The following JAKMIP2 variants were observed in gnomAD, a reference collection of about 807,000 sequenced individuals.
JAKMIP2 encodes the protein janus kinase and microtubule interacting protein 2.
JAKMIP2 carries 25 observed loss-of-function variants against 115.0 expected under a neutral mutation model. The ratio of observed to expected loss-of-function variants is 0.22; its 90% CI spans 0.16 to 0.30. JAKMIP2 has a LOEUF of 0.30. Among genes scored for constraint, JAKMIP2 ranks in the 10% least tolerant of loss-of-function variants. The pLI is 1.00. For missense variants in JAKMIP2, 642 were observed against 957.6 expected (o/e 0.67, Z 4.35); for synonymous variants, 334 against 343.6 (o/e 0.97, Z 0.31).
At chr5:147,678,488 A>G (rs999921884) in intron 1 of JAKMIP2, among the ~76,000 whole-genome samples, 28 of 152,212 alleles carry the variant, frequency 1.8e-4, no homozygotes, top group African/African-American at 6.0e-4. Context: ...TAAAAGCTGA[A>G]TAGTACTTTA....
chr5:147,660,070 G>T (rs189807739), intron 3 of JAKMIP2, among the ~76,000 whole-genome samples: 9 of 152,156 alleles, frequency 5.9e-5, no homozygotes, highest in African/African-American at 1.9e-4. Context: ...TCTAACAGGC[G>T]ATAGTTGATG....
At chr5:147,629,612 T>C (rs1757264206) in intron 15 of JAKMIP2, 81 bp downstream of exon 15, 1 of 970,896 alleles carries the variant, frequency 1.0e-6, no homozygotes, top group East Asian at 2.4e-5. Flanking sequence ...TTGCTCTTAC[T>C]TTACACATGA....
Position 147,661,454 on chromosome 5 carries a change from A to G in JAKMIP2, c.130-9T>C, listed in dbSNP as rs774220810. Reference sequence around the variant, plus strand: ...CTTTCAAGCTTTGATACCTAAAAACAGAGAGGCGAAATGATGAAGAGAAAT... The same window carrying G: ...CTTTCAAGCTTTGATACCTAAAAACGGAGAGGCGAAATGATGAAGAGAAAT... On this transcript the variant is annotated splice_polypyrimidine_tract_variant and intron_variant, in intron 2 of 21. Transcript: ENST00000616793. 6.2e-7 allele frequency: 1 copy of G among 1,603,082 alleles called. No homozygotes were observed. Among genetic ancestry groups the G allele is most frequent in the Non-Finnish European group, 8.5e-7 (1 of 1,175,030 alleles).
intron 10 of JAKMIP2, among the ~76,000 whole-genome samples, chr5:147,638,143 C>T (rs1180140985): frequency 2.0e-5 from 3 of 152,038 alleles, no homozygotes; most frequent in East Asian, 1.9e-4. Flanking sequence ...TTGTTTTCAA[C>T]GATGCTTTCA....
rs758768756 is a variant in JAKMIP2 at position 147,764,889 on chromosome 5, G to GGAAAGAAAGAAAGAAAGAAAGAAAGAAA, written c.-149+17539_-149+17566dup. Among the ~76,000 whole-genome samples, 15 of 60,514 alleles carry GGAAAGAAAGAAAGAAAGAAAGAAAGAAA rather than the reference G, an allele frequency of 2.5e-4. 2 individuals are homozygous for GGAAAGAAAGAAAGAAAGAAAGAAAGAAA. Among genetic ancestry groups the GGAAAGAAAGAAAGAAAGAAAGAAAGAAA allele is most frequent in the African/African-American group, 1.3e-3 (13 of 10,070 alleles). The allele number at this position is 60,514 out of a possible 152,430, so 39.7% of individuals were successfully genotyped here. A position where few individuals can be genotyped will look rare whatever the true frequency, so the allele number is the denominator to read the frequency against. ...GACAGAGTGAGACTCTGTCTAAAAG[G>GGAAAGAAAGAAAGAAAGAAAGAAAGAAA]GAAAGAAAGAAAGAAAGAAAGAAAG... On this transcript the variant is annotated intron_variant, in intron 1 of 21. Coordinates refer to ENST00000616793, the MANE Select transcript of JAKMIP2 (RefSeq NM_001270941.2).
At chr5:147,600,739 A>T (rs1755652134) in intron 21 of JAKMIP2, among the ~76,000 whole-genome samples, 1 of 151,984 alleles carries the variant, frequency 6.6e-6, no homozygotes, top group Admixed American at 6.6e-5. Context: ...ATCTCCAGTG[A>T]TCTGACTCAG....
At chr5:147,765,768 A>G (rs951272247) in intron 1 of JAKMIP2, among the ~76,000 whole-genome samples, 2 of 152,166 alleles carry the variant, frequency 1.3e-5, no homozygotes, top group South Asian at 2.1e-4. Flanking sequence ...CCACCTGAAC[A>G]CTTTTTATAT....
intron 1 of JAKMIP2, among the ~76,000 whole-genome samples, chr5:147,747,097 A>G (rs774291052): frequency 2.0e-5 from 3 of 152,070 alleles, no homozygotes; most frequent in Non-Finnish European, 4.4e-5. Flanking sequence ...GTGCTTTATT[A>G]TTATTATTAT....
At chr5:147,765,575 T>C (rs1280488201) in intron 1 of JAKMIP2, among the ~76,000 whole-genome samples, 2 of 152,076 alleles carry the variant, frequency 1.3e-5, no homozygotes, top group Non-Finnish European at 2.9e-5. Context: ...GTGGAAAAAA[T>C]ATGAGGCTCA....
intron 1 of JAKMIP2, among the ~76,000 whole-genome samples, chr5:147,732,169 C>T (rs1348514497): frequency 6.6e-6 from 1 of 152,180 alleles, no homozygotes; most frequent in Non-Finnish European, 1.5e-5. Flanking sequence ...CCGGTTTGCA[C>T]TTCCAAATTT....
Position 147,641,633 on chromosome 5 carries a change from T to C in JAKMIP2, c.1281+75A>G, listed in dbSNP as rs373285287. 1.2e-5 allele frequency: 12 copies of C among 1,025,630 alleles called. No individual in the cohort carries two copies. In the African/African-American group the frequency reaches 1.9e-4, roughly 16 times the overall value. 63.5% of individuals were successfully genotyped at this position (1,025,630 alleles called of 1,614,324 possible). On this transcript the variant is annotated intron_variant, in intron 8 of 21. Coordinates refer to ENST00000616793, the MANE Select transcript of JAKMIP2 (RefSeq NM_001270941.2). ...GAACACCTGATTCATCACATCTTTG[T>C]AGGAAGATTCCATGCCAAGCCTCAT... is the stretch of plus-strand genomic sequence containing the variant.
chr5:147,700,974 T>A (rs1057121669), intron 1 of JAKMIP2, among the ~76,000 whole-genome samples: 1 of 152,144 alleles, frequency 6.6e-6, no homozygotes, highest in South Asian at 2.1e-4. Context: ...GGCATATGTA[T>A]GTGGTTGGAG....
intron 1 of JAKMIP2, among the ~76,000 whole-genome samples, chr5:147,708,680 T>C (rs1280132702): frequency 1.3e-5 from 2 of 152,196 alleles, no homozygotes; most frequent in Non-Finnish European, 2.9e-5. Context: ...TTAAAATTGA[T>C]GTATGTTTTT....
chr5:147,720,049 G>C (rs929609722), intron 1 of JAKMIP2, among the ~76,000 whole-genome samples: 5 of 152,006 alleles, frequency 3.3e-5, no homozygotes, highest in African/African-American at 1.2e-4. Flanking sequence ...GCCTGGTGGT[G>C]ACAAACTCTC....
In JAKMIP2 at chr5:147,702,636, G is replaced by GAA. The variant is rs1752402609; in HGVS notation, c.-148-30684_-148-30683dup. Among the ~76,000 whole-genome samples, 2 of 122,778 alleles carry GAA rather than the reference G, an allele frequency of 1.6e-5. 1 individual carries two copies. Among genetic ancestry groups the GAA allele is most frequent in the African/African-American group, 6.8e-5 (2 of 29,226 alleles). 80.5% of individuals were successfully genotyped at this position (122,778 alleles called of 152,430 possible). A position where few individuals can be genotyped will look rare whatever the true frequency, so the allele number is the denominator to read the frequency against. ...AGAAAGAAAGAAAGAAAGAAAGAAA[G>GAA]AAAGAAAGAAAGAAAGAAAGAAAGA... On this transcript the variant is annotated intron_variant, in intron 1 of 21. Transcript: ENST00000616793.
At chr5:147,683,307 C>T (rs1386332912) in intron 1 of JAKMIP2, among the ~76,000 whole-genome samples, 1 of 152,192 alleles carries the variant, frequency 6.6e-6, no homozygotes, top group African/African-American at 2.4e-5. Flanking sequence ...GCCTGGCCAA[C>T]ATAGTGAAAC....
chr5:147,688,332 T>C (rs1268872066), intron 1 of JAKMIP2, among the ~76,000 whole-genome samples: 1 of 152,204 alleles, frequency 6.6e-6, no homozygotes, highest in Admixed American at 6.5e-5. Context: ...TTTTCCTATG[T>C]GAAATAGGGT....
chr5:147,687,252 C>T (rs1206188467), intron 1 of JAKMIP2, among the ~76,000 whole-genome samples: 1 of 152,174 alleles, frequency 6.6e-6, no homozygotes, highest in Non-Finnish European at 1.5e-5. Context: ...TTTTAATGCT[C>T]TGAGGTGAGT....
chr5:147,733,772 T>C (rs10036585), intron 1 of JAKMIP2, among the ~76,000 whole-genome samples: 2,730 of 152,316 alleles, frequency 0.018, 90 homozygotes, highest in African/African-American at 0.061. Context: ...GTTTCATCCA[T>C]GTCCCTACAA....
Sources: allele counts gnomAD v4.1 joint callset (sites outside exome capture counted in the v4.1 genomes callset), GRCh38; gene constraint gnomAD v4.1.1; transcripts MANE v1.5; gene names NCBI Gene and HGNC (gene_info 2026-07-23, HGNC 2026-07-21).